The following MLIP variants were observed in gnomAD, a reference collection of about 807,000 sequenced individuals.
MLIP encodes the protein muscular LMNA-interacting protein.
A neutral mutation model predicts 84.8 loss-of-function variants in MLIP; 79 were observed. The ratio of observed to expected loss-of-function variants is 0.93; its 90% confidence interval spans 0.78 to 1.12. The LOEUF (loss-of-function observed/expected upper bound fraction) is 1.12, where lower values mean the gene tolerates loss of function less well. Ranked by LOEUF, MLIP falls within the 50% of genes most tolerant of loss-of-function variation. The probability of loss-of-function intolerance (pLI) is 0.00; values close to 1 mark genes in which losing one functional copy is unlikely to be tolerated. For synonymous variants in MLIP, 504 were observed against 463.0 expected (o/e 1.09, Z -1.14); for missense variants, 1,257 against 1,160.6 (o/e 1.08, Z -1.21).
chr6:54,172,893 A>C (rs1223803496), intron 9 of MLIP, among the ~76,000 whole-genome samples: 1 of 151,686 alleles, frequency 6.6e-6, no homozygotes, highest in Non-Finnish European at 1.5e-5. Context: ...GGTCTTCTTA[A>C]AATGCAGGCT....
At chr6:54,040,652 A>G (rs1402685111) in intron 1 of MLIP, among the ~76,000 whole-genome samples, 1 of 152,036 alleles carries the variant, frequency 6.6e-6, no homozygotes, top group Non-Finnish European at 1.5e-5. Flanking sequence ...TAACAAATAC[A>G]TAGAATCAAC....
chr6:54,196,110 A>C (rs1181034360), intron 10 of MLIP, among the ~76,000 whole-genome samples: 1 of 152,060 alleles, frequency 6.6e-6, no homozygotes, highest in African/African-American at 2.4e-5. Context: ...CCTCTTTGTG[A>C]ATTATATTGT....
At chr6:54,234,570 T>C (rs1446007358) in intron 12 of MLIP, among the ~76,000 whole-genome samples, 1 of 152,126 alleles carries the variant, frequency 6.6e-6, no homozygotes, top group African/African-American at 2.4e-5. Context: ...AAATTTTCTT[T>C]CTCTCAAAGT....
chr6:54,144,172 C>T (rs182231863), intron 4 of MLIP, among the ~76,000 whole-genome samples: 114 of 152,226 alleles, frequency 7.5e-4, no homozygotes, highest in African/African-American at 2.6e-3. Flanking sequence ...TCCCTATGAA[C>T]GGGATCAGGG....
chr6:54,026,091 C>A lies in MLIP; in HGVS notation c.63+7000C>A, dbSNP rs542882291. 1.8e-4 allele frequency among the ~76,000 whole-genome samples: 27 copies of A among 152,208 alleles called. No homozygotes were observed. In the South Asian group the frequency reaches 4.8e-3, roughly 27 times the overall value. Reference sequence around the variant, plus strand: ...GAAGGCAACTGGAGGGAATTCGGAACCAGGATTCTCTGAGTTTCTGAACAG... The same window carrying A: ...GAAGGCAACTGGAGGGAATTCGGAAACAGGATTCTCTGAGTTTCTGAACAG... On this transcript the variant is annotated intron_variant, in intron 1 of 12. Transcript: ENST00000274897.
chr6:54,023,502 T>C (rs1373215744), intron 1 of MLIP, among the ~76,000 whole-genome samples: 1 of 152,080 alleles, frequency 6.6e-6, no homozygotes, highest in Non-Finnish European at 1.5e-5. Context: ...TTACTTATGA[T>C]CTCATAATAA....
chr6:54,213,185 G>A (rs928847639), intron 11 of MLIP, among the ~76,000 whole-genome samples: 1 of 152,154 alleles, frequency 6.6e-6, no homozygotes, highest in African/African-American at 2.4e-5. Flanking sequence ...GACTTAAAAA[G>A]ACTCTGTATA....
In MLIP at chr6:54,137,516, G is replaced by T. The variant is rs1244210089; in HGVS notation, c.1447G>T (p.Val483Phe). 2.0e-6 allele frequency: 3 copies of T among 1,536,056 alleles called. No homozygotes were observed. The Admixed American group carries it at 5.9e-5, about 30-fold the overall frequency. The change falls in exon 4 of 14, where the codon GTT becomes TTT. Residue 483 changes from valine (V) to phenylalanine (F), a missense_variant. Physicochemically the swap from Val to Phe is conservative, Grantham distance 50. Coordinates refer to ENST00000502396, the MANE Select transcript of MLIP (RefSeq NM_001281747.2). ...AGSPDQGELQ[V>F]SELTQQSFHL... is the part of the protein sequence containing the mutation. ...GTCACCAGATCAAGGGGAACTCCAGGTTTCTGAATTGACCCAGCAATCTTT... is the reference window on the plus strand; with the variant it reads ...GTCACCAGATCAAGGGGAACTCCAGTTTTCTGAATTGACCCAGCAATCTTT...
In MLIP at chr6:54,138,232, G is replaced by A; in HGVS notation, c.2163G>A (p.Leu721=). 6.5e-7 allele frequency: 1 copy of A among 1,536,048 alleles called. No individual in the cohort carries two copies. The highest frequency in any genetic ancestry group is 1.2e-5 in the South Asian group (1 of 84,060). ...TATCTCTAACAAGGACAGAGGAGCT[G>A]ATTTCACCTTGTGCATTGTCCATGT... ...LPISLTRTEE[L]ISPCALSMST... is the part of the protein sequence containing the mutation. The change falls in exon 4 of 14, where the codon CTG becomes CTA. Residue 721 remains leucine (L), a synonymous_variant. Coordinates refer to ENST00000502396, the MANE Select transcript of MLIP (RefSeq NM_001281747.2).
At chr6:54,182,541 T>C (rs74578803) in intron 9 of MLIP, among the ~76,000 whole-genome samples, 2,537 of 152,218 alleles carry the variant, frequency 0.017, 84 homozygotes, top group African/African-American at 0.057. Flanking sequence ...GTTGCTAAAA[T>C]GTGGTGTTCC....
At chr6:54,162,714 A>G (rs540488387) in intron 8 of MLIP, among the ~76,000 whole-genome samples, 2 of 152,112 alleles carry the variant, frequency 1.3e-5, no homozygotes, top group African/African-American at 2.4e-5. Flanking sequence ...AGAGCTGTAT[A>G]GTGGCAGGCA....
chr6:54,082,820 T>C (rs1384463323), intron 1 of MLIP, among the ~76,000 whole-genome samples: 1 of 151,264 alleles, frequency 6.6e-6, no homozygotes, highest in Non-Finnish European at 1.5e-5. Flanking sequence ...CAAATTATTT[T>C]ATTTAAAAAA....
At chr6:54,215,205 A>G in intron 11 of MLIP, 3 of 1,534,634 alleles carry the variant, frequency 2.0e-6, no homozygotes, top group Non-Finnish European at 2.6e-6. Flanking sequence ...TCCTCTGATC[A>G]TTGAGGAACC....
In MLIP at chr6:54,065,067, A is replaced by C. The variant is rs1400703533; in HGVS notation, c.63+45976A>C. On this transcript the variant is annotated intron_variant, in intron 1 of 12. Coordinates refer to the MLIP transcript ENST00000274897. Reference sequence around the variant, plus strand: ...TTTAATGGAGACAATGTTGAATGTGATTCCTTGGCTCTTCATTTAGATTTT... The same window carrying C: ...TTTAATGGAGACAATGTTGAATGTGCTTCCTTGGCTCTTCATTTAGATTTT... Among the ~76,000 whole-genome samples, 17 of 99,932 alleles carry C rather than the reference A, an allele frequency of 1.7e-4. 1 individual carries two copies. Among genetic ancestry groups the C allele is most frequent in the African/African-American group, 4.3e-4 (17 of 39,164 alleles). The allele number at this position is 99,932 out of a possible 152,430, so 65.6% of individuals were successfully genotyped here.
chr6:54,101,150 G>A (rs1274562315), intron 1 of MLIP, among the ~76,000 whole-genome samples: 1 of 152,102 alleles, frequency 6.6e-6, no homozygotes, highest in Non-Finnish European at 1.5e-5. Flanking sequence ...AAGAGTCACA[G>A]GGTTTGTAAA....
intron 1 of MLIP, among the ~76,000 whole-genome samples, chr6:54,117,494 G>A (rs995616888): frequency 2.6e-5 from 4 of 151,576 alleles, no homozygotes; most frequent in East Asian, 2.0e-4. Context: ...GATTACAGGC[G>A]TGAGCCACCG....
At chr6:54,030,483 T>C (rs1445133160) in intron 1 of MLIP, 1 of 152,108 alleles carries the variant, frequency 6.6e-6, no homozygotes, top group African/African-American at 2.4e-5. Flanking sequence ...GGAGTCCTGG[T>C]ACATGCGTGT....
At chr6:54,061,399 T>C (rs577824950) in intron 1 of MLIP, among the ~76,000 whole-genome samples, 54 of 152,282 alleles carry the variant, frequency 3.5e-4, no homozygotes, top group Non-Finnish European at 3.5e-4. Context: ...TGTGAGCTTG[T>C]TTCCTTATCA....
At chr6:54,174,756 A>G (rs893686538) in intron 9 of MLIP, among the ~76,000 whole-genome samples, 3 of 151,804 alleles carry the variant, frequency 2.0e-5, no homozygotes, top group African/African-American at 7.3e-5. Flanking sequence ...ACATGATGTG[A>G]TCCCATTTGT....
Sources: gnomAD v4.1 joint callset for allele counts (sites outside exome capture counted in the v4.1 genomes callset) on GRCh38, gnomAD v4.1.1 for gene constraint, MANE v1.5 for transcripts, NCBI Gene and HGNC (gene_info 2026-07-23, HGNC 2026-07-21) for gene names.